The following CCDC178 variants were observed in gnomAD, a reference collection of about 807,000 sequenced individuals.
CCDC178 encodes the protein coiled-coil domain containing 178, also known as coiled-coil domain-containing protein 178.
CCDC178 carries 126 observed loss-of-function variants against 117.4 expected under a neutral mutation model. That is an observed-to-expected ratio of 1.07 (90% CI 0.93 to 1.24). The LOEUF is 1.24. Among genes scored for constraint, CCDC178 ranks in the 50% most tolerant of loss-of-function variants. CCDC178 has a pLI of 0.00. For missense variants in CCDC178, 1,030 were observed against 986.9 expected, an observed-to-expected ratio of 1.04 and a Z score of -0.59; for synonymous variants, 283 against 313.4, an observed-to-expected ratio of 0.90 and a Z score of 1.02.
intron 22 of CCDC178, among the ~76,000 whole-genome samples, chr18:32,952,347 A>G (rs1289566924): frequency 6.6e-6 from 1 of 152,232 alleles, no homozygotes; most frequent in Non-Finnish European, 1.5e-5. Context: ...TCTAGGTGGA[A>G]GTTCCCAAAC....
intron 12 of CCDC178, among the ~76,000 whole-genome samples, chr18:33,278,302 TA>T (rs398059157): frequency 6.8e-6 from 1 of 146,616 alleles, no homozygotes; most frequent in Non-Finnish European, 1.5e-5. Flanking sequence ...TATATATATA[TA>T]TATATATATA....
Position 32,970,436 on chromosome 18 carries a change from T to C in CCDC178, c.2523+4111A>G, listed in dbSNP as rs953842579. ...TTGCATTGAATAGTTCACCGAAATC[T>C]TATGGCATCATTTTAATACTACCTT... is the stretch of plus-strand genomic sequence containing the variant. On this transcript the variant is annotated intron_variant, in intron 22 of 22. Transcript: ENST00000383096. 2.6e-5 allele frequency among the ~76,000 whole-genome samples: 4 copies of C among 152,026 alleles called. No individual in the cohort carries two copies. The South Asian group carries it at 8.3e-4, about 31-fold the overall frequency.
chr18:33,414,910 C>T (rs977002152), intron 2 of CCDC178, among the ~76,000 whole-genome samples: 1 of 152,148 alleles, frequency 6.6e-6, no homozygotes, highest in Non-Finnish European at 1.5e-5. Context: ...AGACACTTCT[C>T]AAAAGAAGAC....
At chr18:33,108,117 A>G (rs1292509300) in intron 20 of CCDC178, among the ~76,000 whole-genome samples, 1 of 151,586 alleles carries the variant, frequency 6.6e-6, no homozygotes, top group Non-Finnish European at 1.5e-5. Flanking sequence ...ATAAGTGTTT[A>G]TACATTTCCC....
At chr18:33,246,110 A>G (rs769928667) in intron 14 of CCDC178, among the ~76,000 whole-genome samples, 8 of 151,908 alleles carry the variant, frequency 5.3e-5, no homozygotes, top group African/African-American at 1.9e-4. Flanking sequence ...GCTTCTAAAA[A>G]TGGATTAGTA....
intron 20 of CCDC178, among the ~76,000 whole-genome samples, chr18:33,133,195 G>A (rs1056459333): frequency 5.9e-5 from 9 of 151,688 alleles, no homozygotes; most frequent in South Asian, 2.1e-4. Context: ...AAATGTTATC[G>A]AAAACGTCTG....
intron 20 of CCDC178, among the ~76,000 whole-genome samples, chr18:33,153,489 T>C (rs1197429756): frequency 1.3e-5 from 2 of 152,134 alleles, no homozygotes; most frequent in African/African-American, 4.8e-5. Context: ...TTTGTATCTA[T>C]GTATCTTATA....
At chr18:33,177,278 C>T (rs951992922) in intron 20 of CCDC178, among the ~76,000 whole-genome samples, 20 of 151,990 alleles carry the variant, frequency 1.3e-4, no homozygotes, top group African/African-American at 4.1e-4. Context: ...CAGGTTGATA[C>T]GTGCAGCAAA....
chr18:33,060,488 T>A (rs1487368415), intron 21 of CCDC178, among the ~76,000 whole-genome samples: 1 of 152,132 alleles, frequency 6.6e-6, no homozygotes, highest in Non-Finnish European at 1.5e-5. Flanking sequence ...AGTAAATAAA[T>A]GATTGATGTC....
At chr18:33,115,992 T>A (rs1422977604) in intron 20 of CCDC178, among the ~76,000 whole-genome samples, 2 of 152,168 alleles carry the variant, frequency 1.3e-5, no homozygotes, top group Admixed American at 1.3e-4. Flanking sequence ...TTGAAACTTT[T>A]AAAATAAAAA....
Position 33,346,245 on chromosome 18 carries a change from C to A in CCDC178, c.624G>T (p.Trp208Cys), listed in dbSNP as rs1272064883. The A allele has an allele frequency of 9.3e-6, 15 of 1,613,838 alleles. No individual in the cohort carries two copies. Among genetic ancestry groups the A allele is most frequent in the African/African-American group, 1.3e-5 (1 of 75,038 alleles). ...INMKIDSWSV[W>C]KLQELPLAVQ... ...CAGCCAATGGGAGTTCTTGAAGTTTCCAGACTGACCAAGAGTCAATTTTCA... is the reference window on the plus strand; with the variant it reads ...CAGCCAATGGGAGTTCTTGAAGTTTACAGACTGACCAAGAGTCAATTTTCA... Residue 208 changes from tryptophan (W) to cysteine (C), a missense_variant, in exon 9 of 23, where the codon TGG becomes TGT. Transcript: ENST00000383096.
chr18:33,419,997 T>C (rs997911437), intron 2 of CCDC178, among the ~76,000 whole-genome samples: 2 of 152,110 alleles, frequency 1.3e-5, no homozygotes, highest in Admixed American at 1.3e-4. Context: ...TGTACACGTA[T>C]GTTCATTGCA....
At chr18:33,240,140 A>G (rs915413655) in intron 15 of CCDC178, among the ~76,000 whole-genome samples, 1 of 151,892 alleles carries the variant, frequency 6.6e-6, no homozygotes, top group African/African-American at 2.4e-5. Flanking sequence ...TGAAAGACCA[A>G]TGGGTGAAGG....
intron 20 of CCDC178, among the ~76,000 whole-genome samples, chr18:33,172,335 T>C (rs1332504145): frequency 2.0e-5 from 3 of 152,138 alleles, no homozygotes; most frequent in Non-Finnish European, 4.4e-5. Context: ...CCCTGGAAAA[T>C]GTATAATTCA....
chr18:33,080,075 C>T (rs1415362692), intron 21 of CCDC178, among the ~76,000 whole-genome samples: 1 of 152,154 alleles, frequency 6.6e-6, no homozygotes, highest in Non-Finnish European at 1.5e-5. Context: ...TGCATCTACA[C>T]CATGGAACAC....
intron 21 of CCDC178, among the ~76,000 whole-genome samples, chr18:33,030,512 G>A (rs1035052433): frequency 7.0e-6 from 1 of 143,328 alleles, no homozygotes; most frequent in Non-Finnish European, 1.5e-5. Flanking sequence ...TCTCCAGACA[G>A]AACTGATAGA....
chr18:33,288,304 CCTCCCCTCCT>C (rs1303999185), intron 12 of CCDC178, among the ~76,000 whole-genome samples: 2 of 105,402 alleles, frequency 1.9e-5, no homozygotes, highest in Non-Finnish European at 3.9e-5. Flanking sequence ...CCTCCTCTCT[CCTCCCCTCCT>C]CTCCCCTCCT....
intron 21 of CCDC178, among the ~76,000 whole-genome samples, chr18:33,075,507 CA>C (rs1567972672): frequency 6.6e-6 from 1 of 151,988 alleles, no homozygotes; most frequent in Admixed American, 6.6e-5. Flanking sequence ...ATTTCCATAT[CA>C]AAACATTTTA....
chr18:33,412,468 A>G (rs1464777416), intron 2 of CCDC178, among the ~76,000 whole-genome samples: 6 of 52,046 alleles, frequency 1.2e-4, no homozygotes, highest in Non-Finnish European at 2.5e-4. Context: ...GTTTAACTTT[A>G]CTACCATCTA....
Sources: gnomAD v4.1 joint callset for allele counts (sites outside exome capture counted in the v4.1 genomes callset) on GRCh38, gnomAD v4.1.1 for gene constraint, MANE v1.5 for transcripts, NCBI Gene and HGNC (gene_info 2026-07-23, HGNC 2026-07-21) for gene names.